The following ANKS1A variants were observed in gnomAD, a reference collection of about 807,000 sequenced individuals.
The protein encoded by ANKS1A is ankyrin repeat and SAM domain-containing protein 1A.
In ANKS1A, 55 loss-of-function variants were observed where a neutral mutation model predicts 120.3. The observed-to-expected ratio is 0.46, with a 90% CI of 0.37 to 0.57. ANKS1A has a LOEUF of 0.57. ANKS1A is among the 20% of genes least tolerant of loss of function. ANKS1A has a pLI of 0.00. For missense variants in ANKS1A, 1,123 were observed against 1,480.3 expected (o/e 0.76, Z 3.96); for synonymous variants, 590 against 604.7 (o/e 0.98, Z 0.36).
chr6:35,082,830 A>T lies in ANKS1A; in HGVS notation c.2835+14A>T. The T allele has an allele frequency of 6.2e-7, 1 of 1,606,454 alleles. No homozygotes were observed. The highest frequency in any genetic ancestry group is 8.5e-7 in the Non-Finnish European group (1 of 1,176,244). Reference sequence around the variant, plus strand: ...TATGAAGCCAATGTGAGTTGCTCCCACCCTCCCAGCAGGGCCGGCCTCCCT... The same window carrying T: ...TATGAAGCCAATGTGAGTTGCTCCCTCCCTCCCAGCAGGGCCGGCCTCCCT... On this transcript the variant is annotated intron_variant, in intron 18 of 23. Coordinates refer to ENST00000360359, the MANE Select transcript of ANKS1A (RefSeq NM_015245.3). The surrounding 1 kb of genome is among the most constrained non-coding windows in gnomAD (Gnocchi z 4.1).
chr6:34,985,343 G>A, intron 8 of ANKS1A, 65 bp downstream of exon 8: 4 of 1,518,248 alleles, frequency 2.6e-6, no homozygotes, highest in Non-Finnish European at 2.7e-6. Flanking sequence ...GAGGTGATGG[G>A]GCACGGGGAA....
intron 13 of ANKS1A, among the ~76,000 whole-genome samples, chr6:35,069,390 T>A (rs557571010): frequency 6.6e-6 from 1 of 151,912 alleles, no homozygotes; most frequent in East Asian, 2.0e-4. Context: ...AGCCACAGTC[T>A]GCTTGGTGAC....
chr6:35,089,398 C>T lies in ANKS1A; in HGVS notation c.*789C>T, dbSNP rs953447164. The T allele has an allele frequency of 2.7e-5, 27 of 986,564 alleles. No homozygotes were observed. The East Asian group carries it at 9.1e-4, about 33-fold the overall frequency. 61.1% of individuals were successfully genotyped at this position (986,564 alleles called of 1,614,324 possible). On this transcript the variant is annotated 3_prime_UTR_variant, in exon 24 of 24. Coordinates refer to ENST00000360359, the MANE Select transcript of ANKS1A (RefSeq NM_015245.3). ...CCCTGGCCTCTTACCTGTCAGTGAT[C>T]GGAGCACTGCCCTGGGCTGGCCGGC...
At chr6:34,915,197 C>T (rs1440709768) in intron 1 of ANKS1A, among the ~76,000 whole-genome samples, 1 of 152,170 alleles carries the variant, frequency 6.6e-6, no homozygotes, top group Non-Finnish European at 1.5e-5. Flanking sequence ...GGGCTAAGGC[C>T]ATGTCTGTTT....
intron 1 of ANKS1A, among the ~76,000 whole-genome samples, chr6:34,957,081 A>G (rs188507510): frequency 1.3e-5 from 2 of 152,210 alleles, no homozygotes; most frequent in East Asian, 3.9e-4. Flanking sequence ...CTACTAACTT[A>G]CCTACTTTTT....
In ANKS1A at chr6:34,938,845, G is replaced by A. The variant is rs538492961; in HGVS notation, c.198-28394G>A. Among the ~76,000 whole-genome samples the A allele has an allele frequency of 2.6e-4, 39 of 152,292 alleles. No individual in the cohort carries two copies. The South Asian group carries it at 5.4e-3, about 21-fold the overall frequency. On this transcript the variant is annotated intron_variant, in intron 1 of 23. Transcript: ENST00000360359. ...TCTACAAAAACTACAAAAATTTGCC[G>A]GGCGTGGTGGCGCACGCCTGTAATC... is the stretch of plus-strand genomic sequence containing the variant.
chr6:34,929,040 G>A (rs545881455), intron 1 of ANKS1A, among the ~76,000 whole-genome samples: 1 of 152,268 alleles, frequency 6.6e-6, no homozygotes, highest in South Asian at 2.1e-4. Flanking sequence ...AAGATATTAT[G>A]GAAAAGTGAG....
chr6:34,919,830 T>C (rs1185379163), intron 1 of ANKS1A, among the ~76,000 whole-genome samples: 1 of 152,170 alleles, frequency 6.6e-6, no homozygotes, highest in Non-Finnish European at 1.5e-5. Flanking sequence ...TTAGCTATTA[T>C]TATCATTTTT....
chr6:34,977,145 G>GT (rs1771643934), intron 3 of ANKS1A, among the ~76,000 whole-genome samples: 1 of 152,148 alleles, frequency 6.6e-6, no homozygotes, highest in Admixed American at 6.5e-5. Context: ...GACATGGATG[G>GT]TTTTTAAGAG....
At chr6:35,013,288 T>C (rs1050995084) in intron 10 of ANKS1A, among the ~76,000 whole-genome samples, 5 of 152,024 alleles carry the variant, frequency 3.3e-5, no homozygotes, top group Admixed American at 3.3e-4. Flanking sequence ...GGTGTCTTTA[T>C]TTTTTTTATT....
intron 7 of ANKS1A, 26 bp from the exon 8 acceptor site, chr6:34,985,054 ACT>A: frequency 6.3e-7 from 1 of 1,593,848 alleles, no homozygotes; most frequent in Non-Finnish European, 8.6e-7. Flanking sequence ...CCCTTCAGTG[ACT>A]CTCTTGCCCT....
At chr6:34,954,078 A>G (rs943176046) in intron 1 of ANKS1A, among the ~76,000 whole-genome samples, 5 of 152,222 alleles carry the variant, frequency 3.3e-5, no homozygotes, top group Admixed American at 2.0e-4. Flanking sequence ...CCTCATGAAT[A>G]CATCCTAATT....
At chr6:34,912,232 A>G (rs979231763) in intron 1 of ANKS1A, among the ~76,000 whole-genome samples, 13 of 152,226 alleles carry the variant, frequency 8.5e-5, no homozygotes, top group Admixed American at 2.6e-4. Context: ...GGCCAAATCA[A>G]ATGTTCACAG....
chr6:35,089,698 G>T lies in ANKS1A; in HGVS notation c.*1089G>T, dbSNP rs755806325. 5 of 992,170 alleles carry T rather than the reference G, an allele frequency of 5.0e-6. No individual in the cohort carries two copies. Among genetic ancestry groups the T allele is most frequent in the Non-Finnish European group, 6.0e-6 (5 of 834,172 alleles). The allele number at this position is 992,170 out of a possible 1,614,324, so 61.5% of individuals were successfully genotyped here. On this transcript the variant is annotated 3_prime_UTR_variant, in exon 24 of 24. Transcript: ENST00000360359. ...GGCCTTTGGGGCAGGCTGGCATCCC[G>T]GTGCGCCTCTGCTTCTTAAGCTTTC... is the stretch of plus-strand genomic sequence containing the variant.
intron 1 of ANKS1A, among the ~76,000 whole-genome samples, chr6:34,899,615 A>C (rs546284129): frequency 2.0e-5 from 3 of 152,378 alleles, no homozygotes; most frequent in Non-Finnish European, 4.4e-5. Flanking sequence ...ACCTATTTAC[A>C]AAAAGACTGA....
chr6:34,938,465 ATG>A (rs137939649), intron 1 of ANKS1A, among the ~76,000 whole-genome samples: 1 of 152,234 alleles, frequency 6.6e-6, no homozygotes, highest in African/African-American at 2.4e-5. Flanking sequence ...CAGTGGATAA[ATG>A]TGTGTGTGTG....
At chr6:34,989,118 TC>T in intron 8 of ANKS1A, 105 bp from the exon 9 acceptor site, 1 of 950,578 alleles carries the variant, frequency 1.1e-6, no homozygotes, top group East Asian at 2.7e-5. Flanking sequence ...TCAGGGGAGT[TC>T]CATACATTAT....
chr6:34,950,669 TCAA>T (rs1770050598), intron 1 of ANKS1A, among the ~76,000 whole-genome samples: 1 of 151,898 alleles, frequency 6.6e-6, no homozygotes, highest in African/African-American at 2.4e-5. Flanking sequence ...AAAGGAAACA[TCAA>T]GGCTAGGGGG....
intron 13 of ANKS1A, among the ~76,000 whole-genome samples, chr6:35,065,442 G>C (rs1776724055): frequency 6.6e-6 from 1 of 152,126 alleles, no homozygotes; most frequent in South Asian, 2.1e-4. Context: ...CGTCGCTCCT[G>C]ATTGCTGGCC....
Sources: gnomAD v4.1 joint callset for allele counts (sites outside exome capture counted in the v4.1 genomes callset) on GRCh38, gnomAD v4.1.1 for gene constraint, Gnocchi (gnomAD v3.1) non-coding constraint, MANE v1.5 for transcripts, NCBI Gene and HGNC (gene_info 2026-07-23, HGNC 2026-07-21) for gene names.